Variants in MTFMT observed in about 807,000 individuals in gnomAD.
MTFMT encodes methionyl-tRNA formyltransferase, mitochondrial.
MTFMT carries 47 observed loss-of-function variants against 51.8 expected under a neutral mutation model. The ratio of observed to expected loss-of-function variants is 0.91; its 90% CI spans 0.72 to 1.16. The LOEUF is 1.16. Ranked by LOEUF, MTFMT falls within the 50% of genes most tolerant of loss-of-function variation. The pLI is 0.00. For missense variants in MTFMT, 512 were observed against 482.3 expected (o/e 1.06, Z -0.58); for synonymous variants, 196 against 176.7 (o/e 1.11, Z -0.87).
At chr15:65,018,520 T>C (rs1030585615) in intron 5 of MTFMT, among the ~76,000 whole-genome samples, 1 of 152,216 alleles carries the variant, frequency 6.6e-6, no homozygotes, top group Non-Finnish European at 1.5e-5. Context: ...ACTTCTAGTT[T>C]AGTCCACTGA....
chr15:65,027,661 A>AT (rs1031564078), intron 1 of MTFMT, among the ~76,000 whole-genome samples: 1 of 151,842 alleles, frequency 6.6e-6, no homozygotes, highest in African/African-American at 2.4e-5. Flanking sequence ...ACTGCTTTGC[A>AT]TTTTTTTTCC....
intron 6 of MTFMT, among the ~76,000 whole-genome samples, chr15:65,012,720 G>C (rs918761704): frequency 6.6e-6 from 1 of 152,052 alleles, no homozygotes; most frequent in East Asian, 1.9e-4. Flanking sequence ...CCCTTAATTC[G>C]ATTCTAATGA....
chr15:65,006,520 G>A (rs2086220967), intron 6 of MTFMT, among the ~76,000 whole-genome samples: 1 of 151,992 alleles, frequency 6.6e-6, no homozygotes, highest in Non-Finnish European at 1.5e-5. Flanking sequence ...GGGACTACAG[G>A]CGCCTGCAAC....
chr15:65,010,185 T>TTTTTG (rs568698498), intron 6 of MTFMT, among the ~76,000 whole-genome samples: 191 of 152,336 alleles, frequency 1.3e-3, no homozygotes, highest in African/African-American at 4.2e-3. Context: ...TTGGGTTGTT[T>TTTTTG]TTTTGTTTTG....
At chr15:65,029,342 G>C in intron 1 of MTFMT, 63 bp downstream of exon 1, 1 of 1,347,480 alleles carries the variant, frequency 7.4e-7, no homozygotes, top group Non-Finnish European at 9.5e-7. Flanking sequence ...CCTCGGGGCC[G>C]GCCGCCCGGG....
intron 6 of MTFMT, among the ~76,000 whole-genome samples, chr15:65,009,656 T>TTG (rs1000807013): frequency 4.7e-5 from 7 of 147,622 alleles, no homozygotes; most frequent in African/African-American, 1.8e-4. Flanking sequence ...TTTATTTTTT[T>TTG]AATTTTTTTT....
At chr15:65,006,928 A>G (rs1169686669) in intron 6 of MTFMT, among the ~76,000 whole-genome samples, 1 of 152,240 alleles carries the variant, frequency 6.6e-6, no homozygotes, top group Non-Finnish European at 1.5e-5. Flanking sequence ...GACAGGAGAC[A>G]GCCAAATGCC....
At chr15:65,028,185 C>T (rs532448217) in intron 1 of MTFMT, among the ~76,000 whole-genome samples, 5 of 152,036 alleles carry the variant, frequency 3.3e-5, no homozygotes, top group African/African-American at 4.8e-5. Context: ...TTTGGGAGGC[C>T]AAGGTGAGAG....
rs528058269 is a variant in MTFMT at position 65,005,030 on chromosome 15, C to T, written c.893-94G>A. The T allele has an allele frequency of 1.1e-3, 931 of 839,306 alleles. 3 individuals are homozygous for T. Among genetic ancestry groups the T allele is most frequent in the Middle Eastern group, 4.6e-3 (19 of 4,114 alleles). The allele number at this position is 839,306 out of a possible 1,614,324, so 52.0% of individuals were successfully genotyped here. ...AAAAATCAAAAAACATCTTGGGAGG[C>T]AGTACTGATACCGGAGAGAACACAT... On this transcript the variant is annotated intron_variant, in intron 7 of 8. Coordinates refer to ENST00000220058, the MANE Select transcript of MTFMT (RefSeq NM_139242.4).
chr15:65,023,930 G>GT, intron 2 of MTFMT, 136 bp from the exon 3 acceptor site: 1 of 690,590 alleles, frequency 1.4e-6, no homozygotes, highest in Non-Finnish European at 2.3e-6. Context: ...TCTAAGTCTC[G>GT]TATCACCTGA....
intron 8 of MTFMT, 111 bp downstream of exon 8, chr15:65,004,743 A>T: frequency 3.4e-6 from 2 of 586,656 alleles, no homozygotes; most frequent in Non-Finnish European, 5.6e-6. Context: ...TGATCTCCTG[A>T]CCCAATCTAT....
In MTFMT at chr15:65,019,102, T is replaced by C. The variant is rs141071153; in HGVS notation, c.721+1095A>G. Reference sequence around the variant, plus strand: ...TGTGAAAGGTTGTTAGGGAACAGGATATCTGCACAGTGCCAGAGTATTAAT... The same window carrying C: ...TGTGAAAGGTTGTTAGGGAACAGGACATCTGCACAGTGCCAGAGTATTAAT... On this transcript the variant is annotated intron_variant, in intron 5 of 8. Transcript: ENST00000220058. Among the ~76,000 whole-genome samples the C allele has an allele frequency of 1.8e-4, 27 of 152,370 alleles. No homozygotes were observed. In the East Asian group the frequency reaches 3.3e-3, roughly 18 times the overall value.
intron 6 of MTFMT, among the ~76,000 whole-genome samples, chr15:65,009,727 C>T (rs2086248020): frequency 6.6e-6 from 1 of 151,690 alleles, no homozygotes; most frequent in African/African-American, 2.4e-5. Context: ...AATCACAGCT[C>T]ACTGCAGCCT....
chr15:65,028,429 A>G (rs1243072657), intron 1 of MTFMT, among the ~76,000 whole-genome samples: 1 of 152,178 alleles, frequency 6.6e-6, no homozygotes, highest in African/African-American at 2.4e-5. Context: ...ACAAACAAAA[A>G]AAGTGTTGGT....
intron 6 of MTFMT, among the ~76,000 whole-genome samples, chr15:65,007,313 G>A (rs1435866445): frequency 6.6e-6 from 1 of 152,164 alleles, no homozygotes; most frequent in East Asian, 1.9e-4. Flanking sequence ...GAGTTAAGGA[G>A]CAAAAAGTCC....
At chr15:65,018,568 T>C (rs867005236) in intron 5 of MTFMT, among the ~76,000 whole-genome samples, 1 of 152,158 alleles carries the variant, frequency 6.6e-6, no homozygotes, top group African/African-American at 2.4e-5. Context: ...CCAGATGATC[T>C]CTAATTATCA....
chr15:65,008,124 T>TA (rs2140475587), intron 6 of MTFMT, among the ~76,000 whole-genome samples: 1 of 152,292 alleles, frequency 6.6e-6, no homozygotes, highest in South Asian at 2.1e-4. Context: ...TTTATTATGG[T>TA]AAAAAACACA....
Position 65,029,525 on chromosome 15 carries a change from G to T in MTFMT, c.89C>A (p.Ala30Asp). 2 of 1,526,810 alleles carry T rather than the reference G, an allele frequency of 1.3e-6. No homozygotes were observed. The highest frequency in any genetic ancestry group is 2.0e-5 in the Admixed American group (1 of 49,138). 94.6% of individuals were successfully genotyped at this position (1,526,810 alleles called of 1,614,324 possible). A position where few individuals can be genotyped will look rare whatever the true frequency, so the allele number is the denominator to read the frequency against. The change falls in exon 1 of 9, where the codon GCC (alanine) becomes GAC (aspartate). Residue 30 changes from alanine to aspartate, a missense_variant. Ala to Asp is a moderately radical substitution (Grantham distance 126). Transcript: ENST00000220058. ...GRPSPQWRAL[A>D]RLGWEDCRDS... ...CCGGCAGTCCTCCCAGCCGAGTCGG[G>T]CCAGTGCTCGCCACTGGGGACTCGG...
chr15:65,022,462 A>G (rs975472904), intron 3 of MTFMT, among the ~76,000 whole-genome samples: 1 of 152,090 alleles, frequency 6.6e-6, no homozygotes, highest in Non-Finnish European at 1.5e-5. Flanking sequence ...CAAGAAAAAA[A>G]AAAAAAAGTA....
Sources: allele counts gnomAD v4.1 joint callset (sites outside exome capture counted in the v4.1 genomes callset), GRCh38; gene constraint gnomAD v4.1.1; transcripts MANE v1.5; gene names NCBI Gene and HGNC (gene_info 2026-07-23, HGNC 2026-07-21).